The following SCHIP1 variants were observed in gnomAD, a reference collection of about 807,000 sequenced individuals.
SCHIP1 encodes the protein schwannomin interacting protein 1.
SCHIP1 carries 8 observed loss-of-function variants against 29.7 expected under a neutral mutation model. That is an observed-to-expected ratio of 0.27 (90% CI 0.16 to 0.49). SCHIP1 has a LOEUF of 0.49. Among genes scored for constraint, SCHIP1 ranks in the 20% least tolerant of loss-of-function variants. The probability of loss-of-function intolerance (pLI) is 0.99; values close to 1 mark genes in which losing one functional copy is unlikely to be tolerated. For missense variants in SCHIP1, 193 were observed against 294.6 expected, an observed-to-expected ratio of 0.66 and a Z score of 2.52; for synonymous variants, 76 against 94.9, an observed-to-expected ratio of 0.80 and a Z score of 1.16.
chr3:159,356,042 G>A, the SCHIP1 span, among the ~76,000 whole-genome samples: 1 of 151,994 alleles, frequency 6.6e-6, no homozygotes, highest in African/African-American at 2.4e-5. Flanking sequence ...CTAGATCCCT[G>A]AGGTATCACC....
At chr3:159,848,450 G>A (rs1712138998) in intron 1 of SCHIP1, among the ~76,000 whole-genome samples, 1 of 152,122 alleles carries the variant, frequency 6.6e-6, no homozygotes, top group Admixed American at 6.5e-5. Flanking sequence ...TGCCAAGGTG[G>A]TGTTTTATTT....
chr3:159,572,273 C>A, the SCHIP1 span, among the ~76,000 whole-genome samples: 5 of 152,028 alleles, frequency 3.3e-5, no homozygotes, highest in Non-Finnish European at 5.9e-5. Flanking sequence ...TATAAATTTC[C>A]CTCTAAACAC....
the SCHIP1 span, among the ~76,000 whole-genome samples, chr3:159,590,767 C>A: frequency 3.9e-5 from 6 of 152,224 alleles, no homozygotes; most frequent in Non-Finnish European, 7.4e-5. Context: ...TCTAACTCTT[C>A]CAGTTTACTT....
At chr3:159,621,490 A>G in the SCHIP1 span, among the ~76,000 whole-genome samples, 1 of 152,204 alleles carries the variant, frequency 6.6e-6, no homozygotes, top group Non-Finnish European at 1.5e-5. Context: ...ATTCATTTGC[A>G]TCTCCAGTGC....
chr3:159,801,297 T>C, the SCHIP1 span, among the ~76,000 whole-genome samples: 6 of 152,302 alleles, frequency 3.9e-5, no homozygotes, highest in African/African-American at 1.2e-4. Context: ...AGGGGAGAAA[T>C]TTCTGATGTC....
the SCHIP1 span, among the ~76,000 whole-genome samples, chr3:159,690,728 C>A: frequency 6.6e-6 from 1 of 152,196 alleles, no homozygotes; most frequent in Admixed American, 6.5e-5. Flanking sequence ...CTCCTGTGGG[C>A]ATTTAGTGCT....
chr3:159,764,010 A>T, the SCHIP1 span: 1 of 153,678 alleles, frequency 6.5e-6, no homozygotes, highest in Non-Finnish European at 1.4e-5. The surrounding 1 kb of genome is among the most constrained non-coding windows in gnomAD (Gnocchi z 6.1). Context: ...CTAGAGCGAG[A>T]TGCGAAATTA....
At chr3:159,508,653 T>A in the SCHIP1 span, among the ~76,000 whole-genome samples, 481 of 152,332 alleles carry the variant, frequency 3.2e-3, 5 homozygotes, top group African/African-American at 0.011. Context: ...GTTCCAGAGA[T>A]TCTGGTATGT....
At chr3:159,757,351 T>C in the SCHIP1 span, among the ~76,000 whole-genome samples, 1 of 152,234 alleles carries the variant, frequency 6.6e-6, no homozygotes, top group East Asian at 1.9e-4. Flanking sequence ...TTTAAAACCA[T>C]CAGATCTCAT....
chr3:159,451,075 G>A, the SCHIP1 span, among the ~76,000 whole-genome samples: 1 of 152,076 alleles, frequency 6.6e-6, no homozygotes, highest in Non-Finnish European at 1.5e-5. Flanking sequence ...CCGAAGTACT[G>A]GGATTACAGG....
At chr3:159,613,669 G>A in the SCHIP1 span, among the ~76,000 whole-genome samples, 1 of 152,086 alleles carries the variant, frequency 6.6e-6, no homozygotes, top group Non-Finnish European at 1.5e-5. Flanking sequence ...CAAACCATCT[G>A]GCTAGAGAAG....
chr3:159,429,224 GAA>G, the SCHIP1 span, among the ~76,000 whole-genome samples: 3,656 of 141,784 alleles, frequency 0.026, 110 homozygotes, highest in African/African-American at 0.074. Flanking sequence ...AATGACATAA[GAA>G]AAAAAAAAAA....
the SCHIP1 span, among the ~76,000 whole-genome samples, chr3:159,774,459 T>G: frequency 1.3e-5 from 2 of 152,256 alleles, no homozygotes; most frequent in African/African-American, 4.8e-5. Context: ...CCACTGATCC[T>G]TATCACTTGT....
At chr3:159,384,033 A>G in the SCHIP1 span, among the ~76,000 whole-genome samples, 2 of 151,756 alleles carry the variant, frequency 1.3e-5, no homozygotes, top group East Asian at 3.9e-4. Context: ...TTTTCTAGAT[A>G]TACAATCATG....
chr3:159,592,789 C>T, the SCHIP1 span, among the ~76,000 whole-genome samples: 2 of 152,062 alleles, frequency 1.3e-5, no homozygotes, highest in Non-Finnish European at 2.9e-5. Flanking sequence ...AATACACACT[C>T]GATTAAATGA....
At chr3:159,398,918 A>G in the SCHIP1 span, 3 of 975,198 alleles carry the variant, frequency 3.1e-6, no homozygotes, top group East Asian at 3.4e-4. Context: ...GATATACTAT[A>G]CAGAACTTAA....
At chr3:159,554,717 G>GT in the SCHIP1 span, among the ~76,000 whole-genome samples, 3 of 151,970 alleles carry the variant, frequency 2.0e-5, no homozygotes, top group Admixed American at 2.0e-4. Context: ...TCTTTCCTTT[G>GT]TATCTCTAAC....
At chr3:159,273,833 G>A in the SCHIP1 span, 4 of 1,613,450 alleles carry the variant, frequency 2.5e-6, no homozygotes, top group East Asian at 2.2e-5. Context: ...GGAGAGGTCC[G>A]GGCAGCGTGT....
chr3:159,780,694 C>T, the SCHIP1 span, among the ~76,000 whole-genome samples: 1 of 152,216 alleles, frequency 6.6e-6, no homozygotes, highest in Non-Finnish European at 1.5e-5. Flanking sequence ...CCTCACCGTA[C>T]TCCTTTACCT....
Sources: allele counts gnomAD v4.1 joint callset (sites outside exome capture counted in the v4.1 genomes callset), GRCh38; gene constraint gnomAD v4.1.1; non-coding constraint Gnocchi (gnomAD v3.1); transcripts MANE v1.5; gene names NCBI Gene and HGNC (gene_info 2026-07-23, HGNC 2026-07-21).